NKAIN2: variants seen among roughly 807,000 people sequenced by gnomAD.
The protein encoded by NKAIN2 is sodium/potassium-transporting ATPase subunit beta-1-interacting protein 2.
In NKAIN2, 14 loss-of-function variants were observed where a neutral mutation model predicts 32.6. The ratio of observed to expected loss-of-function variants is 0.43; its 90% confidence interval spans 0.28 to 0.67. The LOEUF (loss-of-function observed/expected upper bound fraction) is 0.67. Ranked by LOEUF, NKAIN2 falls within the 30% of genes least tolerant of loss-of-function variation. The pLI, the probability that NKAIN2 is intolerant of heterozygous loss-of-function variation, is 0.17. For missense variants in NKAIN2, 198 were observed against 258.3 expected, an observed-to-expected ratio of 0.77 and a Z score of 1.60; for synonymous variants, 80 against 87.2, an observed-to-expected ratio of 0.92 and a Z score of 0.46.
At chr6:124,792,797 G>C (rs1465457683) in intron 5 of NKAIN2, among the ~76,000 whole-genome samples, 3 of 152,112 alleles carry the variant, frequency 2.0e-5, no homozygotes, top group Non-Finnish European at 1.5e-5. Flanking sequence ...TTTGTTTCCT[G>C]TGCTACAGGT....
At chr6:123,981,209 C>T (rs1471034875) in intron 1 of NKAIN2, among the ~76,000 whole-genome samples, 1 of 152,142 alleles carries the variant, frequency 6.6e-6, no homozygotes, top group Non-Finnish European at 1.5e-5. Context: ...TTTCATATCT[C>T]TGTCCATACA....
chr6:124,477,572 A>G (rs1040772773), intron 3 of NKAIN2, among the ~76,000 whole-genome samples: 3 of 151,250 alleles, frequency 2.0e-5, no homozygotes, highest in African/African-American at 7.3e-5. Context: ...GCCCCCAGAT[A>G]ATAATATCTC....
intron 3 of NKAIN2, among the ~76,000 whole-genome samples, chr6:124,487,590 C>T (rs1026067242): frequency 1.3e-5 from 2 of 152,136 alleles, no homozygotes; most frequent in Non-Finnish European, 2.9e-5. Context: ...CCGGCACTCA[C>T]AGCTGTAATT....
intron 3 of NKAIN2, among the ~76,000 whole-genome samples, chr6:124,456,582 T>G (rs971382002): frequency 6.6e-6 from 1 of 151,938 alleles, no homozygotes; most frequent in Non-Finnish European, 1.5e-5. Flanking sequence ...GTGAATATAT[T>G]TGCATATGGT....
rs180828775 is a variant in NKAIN2, at chr6:124,254,433, T to A, written c.55-28572T>A. 5.5e-3 allele frequency among the ~76,000 whole-genome samples: 831 copies of A among 152,334 alleles called. 3 individuals are homozygous for A. The highest frequency in any genetic ancestry group is 8.6e-3 in the Non-Finnish European group (586 of 68,032). ...AAATGGTGAATTGCTTTCTTCTTGC[T>A]TTTTGTGGTGGGAGGCACTAGAGAG... On this transcript the variant is annotated intron_variant, in intron 1 of 6. Coordinates refer to ENST00000368417, the MANE Select transcript of NKAIN2 (RefSeq NM_001040214.3).
chr6:124,219,490 G>A (rs886218542), intron 1 of NKAIN2, among the ~76,000 whole-genome samples: 2 of 151,568 alleles, frequency 1.3e-5, no homozygotes, highest in Admixed American at 1.3e-4. Context: ...GTTGGCCAGG[G>A]TGTTCTCAAA....
At chr6:124,392,842 A>G (rs934910420) in intron 3 of NKAIN2, among the ~76,000 whole-genome samples, 1 of 152,082 alleles carries the variant, frequency 6.6e-6, no homozygotes, top group Non-Finnish European at 1.5e-5. Flanking sequence ...CTGGTCTATG[A>G]TCAATCACCT....
chr6:124,818,264 T>C, intron 5 of NKAIN2, 123 bp from the exon 6 acceptor site: 1 of 442,374 alleles, frequency 2.3e-6, no homozygotes, highest in East Asian at 3.4e-5. Context: ...TCTTCACAAT[T>C]AGTTACTTTT....
chr6:124,412,889 G>A (rs552385), intron 3 of NKAIN2, among the ~76,000 whole-genome samples: 164 of 152,088 alleles, frequency 1.1e-3, no homozygotes, highest in Non-Finnish European at 1.6e-3. Context: ...GCCCCTCCCC[G>A]AGCCTCCCTG....
chr6:124,437,872 A>ATTTTTTTTTTTTTTTTTTTTTTTTT (rs374033234), intron 3 of NKAIN2: 3 of 344,330 alleles, frequency 8.7e-6, no homozygotes, highest in Non-Finnish European at 1.1e-5. Context: ...TGATCTATTG[A>ATTTTTTTTTTTTTTTTTTTTTTTTT]TTTTTTTTTT....
At chr6:124,136,637 G>A (rs992513166) in intron 1 of NKAIN2, among the ~76,000 whole-genome samples, 11 of 151,926 alleles carry the variant, frequency 7.2e-5, no homozygotes, top group South Asian at 2.1e-4. Context: ...ACCCAACAGC[G>A]TCTCACAAAG....
chr6:124,603,649 T>A lies in NKAIN2; in HGVS notation c.274-54537T>A, dbSNP rs1782389456. Among the ~76,000 whole-genome samples, 3 of 152,104 alleles carry A rather than the reference T, an allele frequency of 2.0e-5. No individual in the cohort carries two copies. In the South Asian group the frequency reaches 6.2e-4, roughly 32 times the overall value. On this transcript the variant is annotated intron_variant, in intron 3 of 6. Transcript: ENST00000368417. ...GAGCTGCTCCACAAATTAGAGTTTT[T>A]GCAGTTCAGTTTGCCTTCTGTTATA...
intron 1 of NKAIN2, among the ~76,000 whole-genome samples, chr6:123,842,696 C>T (rs1212280660): frequency 5.3e-5 from 8 of 151,446 alleles, no homozygotes; most frequent in African/African-American, 1.2e-4. Context: ...CCTAATTTAA[C>T]GTCCACTTAG....
At chr6:124,600,288 C>T (rs1301635923) in intron 3 of NKAIN2, among the ~76,000 whole-genome samples, 1 of 151,998 alleles carries the variant, frequency 6.6e-6, no homozygotes, top group Non-Finnish European at 1.5e-5. Flanking sequence ...CAAGTGGAAA[C>T]AACTATTTTT....
intron 4 of NKAIN2, among the ~76,000 whole-genome samples, chr6:124,664,635 A>T (rs1316797524): frequency 6.7e-6 from 1 of 150,352 alleles, no homozygotes; most frequent in Non-Finnish European, 1.5e-5. Flanking sequence ...TCTACTAAAA[A>T]TACAAAAAAT....
intron 4 of NKAIN2, among the ~76,000 whole-genome samples, chr6:124,789,914 T>C (rs1265333783): frequency 2.0e-5 from 3 of 152,018 alleles, no homozygotes; most frequent in Non-Finnish European, 4.4e-5. Flanking sequence ...CTCTCTAAGA[T>C]GTGTACTGGT....
At chr6:124,711,571 A>G (rs1037799984) in intron 4 of NKAIN2, among the ~76,000 whole-genome samples, 1 of 149,554 alleles carries the variant, frequency 6.7e-6, no homozygotes, top group African/African-American at 2.5e-5. Flanking sequence ...CATTCATTTC[A>G]TCTTCCATTG....
intron 1 of NKAIN2, among the ~76,000 whole-genome samples, chr6:123,989,890 C>A (rs2114685815): frequency 6.6e-6 from 1 of 152,178 alleles, no homozygotes; most frequent in Non-Finnish European, 1.5e-5. Context: ...TAAATAAGAT[C>A]TTGTTCATGG....
chr6:124,024,311 A>AT (rs1434192212), intron 1 of NKAIN2, among the ~76,000 whole-genome samples: 2 of 152,128 alleles, frequency 1.3e-5, no homozygotes, highest in Non-Finnish European at 2.9e-5. Context: ...GATTACTCAT[A>AT]TTTTAACATC....
Sources: allele counts gnomAD v4.1 joint callset (sites outside exome capture counted in the v4.1 genomes callset), GRCh38; gene constraint gnomAD v4.1.1; transcripts MANE v1.5; gene names NCBI Gene and HGNC (gene_info 2026-07-23, HGNC 2026-07-21).